SELENOS: variants seen among roughly 807,000 people sequenced by gnomAD.
SELENOS encodes the protein VCP interacting membrane selenoprotein.
A neutral mutation model predicts 30.2 loss-of-function variants in SELENOS; 37 were observed. The observed-to-expected ratio is 1.23, with a 90% CI of 0.94 to 1.61. SELENOS has a LOEUF of 1.61. SELENOS is among the 40% of genes most tolerant of loss of function. SELENOS has a pLI of 0.00. For missense variants in SELENOS, 289 were observed against 231.8 expected (o/e 1.25, Z -1.60); for synonymous variants, 119 against 91.6 (o/e 1.30, Z -1.71).
chr15:101,271,661 A>G (rs1189577129), downstream of SELENOS: 1 of 152,196 alleles, frequency 6.6e-6, no homozygotes, highest in Admixed American at 6.6e-5. Context: ...GGAGATAACA[A>G]ATGTTGACTA....
rs2039275802 is a variant in SELENOS, at chr15:101,272,269, A to T, written c.*502T>A. ...ATCTCCTTGAATAAAGATGCTAAAAATGTTATTCTTGTTTTTTAAATAGTT... is the reference window on the plus strand; with the variant it reads ...ATCTCCTTGAATAAAGATGCTAAAATTGTTATTCTTGTTTTTTAAATAGTT... On this transcript the variant is annotated 3_prime_UTR_variant, in exon 6 of 6. Coordinates refer to ENST00000526049, the MANE Select transcript of SELENOS (RefSeq NM_018445.6). The T allele has an allele frequency of 6.6e-6, 1 of 152,290 alleles. No individual in the cohort carries two copies. The highest frequency in any genetic ancestry group is 1.5e-5 in the Non-Finnish European group (1 of 68,088). The allele number at this position is 152,290 out of a possible 1,614,324, so 9.4% of individuals were successfully genotyped here.
Position 101,277,382 on chromosome 15 carries a change from C to G in SELENOS, c.36G>C (p.Pro12=), listed in dbSNP as rs1166992230. The G allele has an allele frequency of 6.6e-7, 1 of 1,505,874 alleles. No individual in the cohort carries two copies. Among genetic ancestry groups the G allele is most frequent in the Admixed American group, 2.1e-5 (1 of 47,620 alleles). 93.3% of individuals were successfully genotyped at this position (1,505,874 alleles called of 1,614,324 possible). A position where few individuals can be genotyped will look rare whatever the true frequency, so the allele number is the denominator to read the frequency against. Residue 12 remains proline (P), a synonymous_variant, in exon 1 of 6, where the codon CCG becomes CCC. Coordinates refer to ENST00000526049, the MANE Select transcript of SELENOS (RefSeq NM_018445.6). ...ERQEESLSAR[P]ALETEGLRFL... is the part of the protein sequence containing the mutation. ...AGCGCAGCCCCTCGGTCTCCAGGGC[C>G]GGCCGCGCGGACAGAGACTCCTCTT...
Position 101,272,803 on chromosome 15 carries a change from G to A in SELENOS, c.538C>T (p.Arg180Cys), listed in dbSNP as rs377066216. ...GGGACSWRPG[R>C]RGPSSGGUG ...CATCCGCCAGATGACGGGCCTCTGC[G>A]TCCAGGTCTCCAGGAGCAAGCTCCG... The change falls in exon 6 of 6, where the codon CGC (arginine) becomes TGC (cysteine). Residue 180 changes from arginine (R) to cysteine (C), a missense_variant. Physicochemically the swap from Arg to Cys is radical, Grantham distance 180. Transcript: ENST00000526049. The A allele has an allele frequency of 4.9e-5, 79 of 1,610,374 alleles. 1 individual carries two copies. The highest frequency in any genetic ancestry group is 6.7e-5 in the Admixed American group (4 of 59,586).
rs557489122 is a variant in SELENOS at position 101,272,720 on chromosome 15, G to A, written c.*51C>T. 118 of 1,543,282 alleles carry A rather than the reference G, an allele frequency of 7.6e-5. No individual in the cohort carries two copies. The African/African-American group carries it at 7.8e-4, about 10-fold the overall frequency. On this transcript the variant is annotated 3_prime_UTR_variant, in exon 6 of 6. Transcript: ENST00000526049. The stretch of plus-strand genomic sequence containing the variant: ...AAAGCGTGCGTAAGGCAATTGAATC[G>A]AGGGTTAAGGGTTCATCTTGCTAAT...
At chr15:101,276,332 T>C (rs1310066824) in intron 2 of SELENOS, 1 of 487,278 alleles carries the variant, frequency 2.1e-6, no homozygotes, top group Non-Finnish European at 3.4e-6. Flanking sequence ...CACTGCAGCT[T>C]TGACTCCCTG....
chr15:101,276,716 T>G, intron 1 of SELENOS, 41 bp from the exon 2 acceptor site: 1 of 1,591,490 alleles, frequency 6.3e-7, no homozygotes, highest in South Asian at 1.1e-5. Flanking sequence ...AAAATGACAC[T>G]ACTAGTTGAC....
downstream of SELENOS, among the ~76,000 whole-genome samples, chr15:101,271,863 GAGATC>G (rs1281137510): frequency 6.6e-6 from 1 of 152,172 alleles, no homozygotes; most frequent in Non-Finnish European, 1.5e-5. Context: ...CTATGTGACA[GAGATC>G]ATATGTGGCC....
intron 2 of SELENOS, among the ~76,000 whole-genome samples, chr15:101,276,112 A>C (rs2039323741): frequency 6.6e-6 from 1 of 151,866 alleles, no homozygotes; most frequent in Non-Finnish European, 1.5e-5. Context: ...TAGTAGAGAC[A>C]GGGTTTCACC....
At position 101,272,445 on chromosome 15, in the gene SELENOS, G is replaced by A; in HGVS notation, c.*326C>T. On this transcript the variant is annotated 3_prime_UTR_variant, in exon 6 of 6. Transcript: ENST00000526049. ...TCACAGAGACTGTCCTAGCAGCAAGGATTTCTAACCTCAAAAGAACATTAC... is the reference window on the plus strand; with the variant it reads ...TCACAGAGACTGTCCTAGCAGCAAGAATTTCTAACCTCAAAAGAACATTAC... 1 of 245,570 alleles carries A rather than the reference G, an allele frequency of 4.1e-6. No homozygotes were observed. The highest frequency in any genetic ancestry group is 8.0e-6 in the Non-Finnish European group (1 of 124,370). 15.2% of individuals were successfully genotyped at this position (245,570 alleles called of 1,614,324 possible).
At chr15:101,275,044 G>C (rs867373375) in intron 3 of SELENOS, 2 of 569,186 alleles carry the variant, frequency 3.5e-6, no homozygotes, top group African/African-American at 3.8e-5. Flanking sequence ...GACCTTTCAT[G>C]GTAATATATT....
chr15:101,273,821 A>G (rs2039295113), intron 5 of SELENOS, among the ~76,000 whole-genome samples: 1 of 152,102 alleles, frequency 6.6e-6, no homozygotes, highest in African/African-American at 2.4e-5. Context: ...CTCTCCTCCT[A>G]TGGAGGATAC....
At chr15:101,270,917 G>C (rs2039260506), downstream of SELENOS, 1 of 152,062 alleles carries the variant, frequency 6.6e-6, no homozygotes, top group Admixed American at 6.5e-5. Context: ...CTACCAAAAG[G>C]TGCTAGATGC....
Position 101,275,257 on chromosome 15 carries a change from G to T in SELENOS, c.316C>A (p.Gln106Lys). ...QVEKHKEKLK[Q>K]LEEEKRRQKI... ...TTCAAACTGAAACCAGTTCATACTT[G>T]TTTCAGTTTTTCCTTATGCTTTTCA... Residue 106 changes from glutamine to lysine, a missense_variant and splice_region_variant, in exon 3 of 6, where the codon CAA becomes AAA. Gln to Lys is a moderately conservative substitution (Grantham distance 53). Transcript: ENST00000526049. 1.9e-6 allele frequency: 3 copies of T among 1,549,296 alleles called. No homozygotes were observed. Among genetic ancestry groups the T allele is most frequent in the Non-Finnish European group, 2.6e-6 (3 of 1,147,502 alleles).
At chr15:101,273,161 T>A (rs1293949591) in intron 5 of SELENOS, among the ~76,000 whole-genome samples, 1 of 151,994 alleles carries the variant, frequency 6.6e-6, no homozygotes, top group Non-Finnish European at 1.5e-5. Context: ...AGTATATGAA[T>A]CCTCCTATCA....
intron 2 of SELENOS, among the ~76,000 whole-genome samples, chr15:101,275,930 AAAAAG>A (rs2039320979): frequency 6.6e-6 from 1 of 151,190 alleles, no homozygotes; most frequent in African/African-American, 2.4e-5. Context: ...AAAAAAAAAA[AAAAAG>A]AAAGAAAAGA....
At chr15:101,277,128 C>T in intron 1 of SELENOS, 1 of 842,090 alleles carries the variant, frequency 1.2e-6, no homozygotes. Flanking sequence ...CTTGCGCAAA[C>T]AAGGGACAGC....
In SELENOS at chr15:101,276,522, T is replaced by C. The variant is rs1166875238; in HGVS notation, c.211+19A>G. The C allele has an allele frequency of 1.3e-6, 2 of 1,580,826 alleles. No homozygotes were observed. The highest frequency in any genetic ancestry group is 2.3e-5 in the South Asian group (2 of 86,248). On this transcript the variant is annotated intron_variant, in intron 2 of 5. Transcript: ENST00000526049. Reference sequence around the variant, plus strand: ...GAGGTGCAAAACCACCGCTTTCATTTCGGTTATCAGGCACTAACCCACAGC... The same window carrying C: ...GAGGTGCAAAACCACCGCTTTCATTCCGGTTATCAGGCACTAACCCACAGC...
At position 101,272,678 on chromosome 15, in the gene SELENOS, T is replaced by C. The variant is rs1037649069; in HGVS notation, c.*93A>G. ...GAACAGAAATCAACCCCACCTCCCC[T>C]TGGCTAGTCACTGTGAAAAGCGTGC... On this transcript the variant is annotated 3_prime_UTR_variant, in exon 6 of 6. Coordinates refer to ENST00000526049, the MANE Select transcript of SELENOS (RefSeq NM_018445.6). 2.5e-5 allele frequency: 33 copies of C among 1,332,844 alleles called. No individual in the cohort carries two copies. The African/African-American group carries it at 4.4e-4, about 18-fold the overall frequency. 82.6% of individuals were successfully genotyped at this position (1,332,844 alleles called of 1,614,324 possible). A position where few individuals can be genotyped will look rare whatever the true frequency, so the allele number is the denominator to read the frequency against.
At chr15:101,275,430 A>G (rs895568842) in intron 2 of SELENOS, 69 bp from the exon 3 acceptor site, 42 of 1,285,022 alleles carry the variant, frequency 3.3e-5, no homozygotes, top group African/African-American at 1.4e-4. Context: ...TTGAGTGTCC[A>G]TATTATTAAA....
Sources: allele counts gnomAD v4.1 joint callset (sites outside exome capture counted in the v4.1 genomes callset), GRCh38; gene constraint gnomAD v4.1.1; transcripts MANE v1.5; gene names NCBI Gene and HGNC (gene_info 2026-07-23, HGNC 2026-07-21).